ALMS1: variants seen among roughly 807,000 people sequenced by gnomAD.
ALMS1 encodes centrosome-associated protein ALMS1.
In ALMS1, 271 loss-of-function variants were observed where a neutral mutation model predicts 352.2. The observed-to-expected ratio is 0.77, with a 90% CI of 0.70 to 0.85. The LOEUF (loss-of-function observed/expected upper bound fraction) is 0.85. Among genes scored for constraint, ALMS1 ranks in the 40% least tolerant of loss-of-function variants. The pLI is 0.00. For synonymous variants in ALMS1, 1,865 were observed against 1,761.2 expected (o/e 1.06, Z -1.48); for missense variants, 5,445 against 4,870.7 (o/e 1.12, Z -3.51).
intron 9 of ALMS1, among the ~76,000 whole-genome samples, chr2:73,481,839 A>G (rs958616501): frequency 1.6e-4 from 24 of 151,088 alleles, no homozygotes; most frequent in Admixed American, 8.6e-4. Flanking sequence ...CTTTGAAGCA[A>G]TTGTGAATGG....
At chr2:73,473,354 T>C (rs1672507043) in intron 9 of ALMS1, among the ~76,000 whole-genome samples, 1 of 152,140 alleles carries the variant, frequency 6.6e-6, no homozygotes, top group African/African-American at 2.4e-5. Flanking sequence ...AGCACAGACT[T>C]CAGTTCCATG....
At chr2:73,562,923 GA>G (rs1674695902) in intron 15 of ALMS1, among the ~76,000 whole-genome samples, 1 of 151,546 alleles carries the variant, frequency 6.6e-6, no homozygotes, top group African/African-American at 2.4e-5. Context: ...ACCCCTAAAA[GA>G]GTTAAAATTA....
rs1355726063 is a variant in ALMS1 at position 73,520,034 on chromosome 2, C to T, written c.9781+18C>T. ...CACAGATGGTAAGAGAATGTGATTG[C>T]ATTTTAGATTGTTAGACCAGCTCTT... On this transcript the variant is annotated intron_variant, in intron 11 of 22. Transcript: ENST00000613296. 1 of 1,613,854 alleles carries T rather than the reference C, an allele frequency of 6.2e-7. No individual in the cohort carries two copies. Among genetic ancestry groups the T allele is most frequent in the East Asian group, 2.2e-5 (1 of 44,888 alleles).
At position 73,557,318 on chromosome 2, in the gene ALMS1, G is replaced by A. The variant is rs145678202; in HGVS notation, c.10177G>A (p.Ala3393Thr). 1.9e-6 allele frequency: 3 copies of A among 1,614,114 alleles called. No individual in the cohort carries two copies. The highest frequency in any genetic ancestry group is 2.2e-5 in the East Asian group (1 of 44,862). The change falls in exon 14 of 23, where the codon GCT becomes ACT. Residue 3393 changes from alanine (A) to threonine (T), a missense_variant. By Grantham distance (58) the Ala-to-Thr change is moderately conservative. Coordinates refer to ENST00000613296, the MANE Select transcript of ALMS1 (RefSeq NM_001378454.1). ...AAGGGCAGTGACTGAGGCTGCCCAG[G>A]CTAAAGAAAAAGAATCTTTGCAGAA... is the stretch of plus-strand genomic sequence containing the variant. The part of the protein sequence containing the change: ...STRAVTEAAQ[A>T]KEKESLQKDT...
chr2:73,471,647 A>G (rs1055219046), intron 9 of ALMS1, among the ~76,000 whole-genome samples: 2 of 151,990 alleles, frequency 1.3e-5, no homozygotes, highest in African/African-American at 2.4e-5. Flanking sequence ...GAAAATGCAA[A>G]TCAAAACCAC....
chr2:73,541,657 T>C (rs936534820), intron 12 of ALMS1, among the ~76,000 whole-genome samples: 22 of 152,056 alleles, frequency 1.4e-4, no homozygotes, highest in African/African-American at 5.1e-4. Context: ...AAGAATCAAA[T>C]AGACGCAATA....
Position 73,408,656 on chromosome 2 carries a change from T to C in ALMS1, c.359T>C (p.Ile120Thr). ...VPLTCHVWQQ[I>T]VYQGNSRTQI... ...TTGACCTGTCATGTATGGCAACAGA[T>C]AGTATATCAAGGCAATAGTAGAACA... Residue 120 changes from isoleucine (I) to threonine (T), a missense_variant, in exon 2 of 23, where the codon ATA (isoleucine) becomes ACA (threonine). Ile to Thr is a moderately conservative substitution (Grantham distance 89, BLOSUM62 -1). Coordinates refer to ENST00000613296, the MANE Select transcript of ALMS1 (RefSeq NM_001378454.1). The C allele has an allele frequency of 6.2e-7, 1 of 1,613,574 alleles. No homozygotes were observed. Among genetic ancestry groups the C allele is most frequent in the Non-Finnish European group, 8.5e-7 (1 of 1,179,704 alleles).
chr2:73,391,211 A>T (rs1051645416), intron 1 of ALMS1, among the ~76,000 whole-genome samples: 19 of 149,790 alleles, frequency 1.3e-4, no homozygotes, highest in Non-Finnish European at 2.2e-4. Context: ...CACAGGCTGA[A>T]CCTCTCCCGT....
At chr2:73,404,438 G>A (rs1670932410) in intron 1 of ALMS1, among the ~76,000 whole-genome samples, 1 of 151,412 alleles carries the variant, frequency 6.6e-6, no homozygotes, top group Admixed American at 6.6e-5. Flanking sequence ...ATTATGTTGA[G>A]GTAGTTTTCT....
rs1443506357 is a variant in ALMS1 at position 73,408,763 on chromosome 2, C to T, written c.450+16C>T. 7.5e-6 allele frequency: 12 copies of T among 1,596,690 alleles called. No individual in the cohort carries two copies. Among genetic ancestry groups the T allele is most frequent in the Non-Finnish European group, 1.0e-5 (12 of 1,170,948 alleles). On this transcript the variant is annotated intron_variant, in intron 2 of 22. Coordinates refer to ENST00000613296, the MANE Select transcript of ALMS1 (RefSeq NM_001378454.1). Reference sequence around the variant, plus strand: ...GGATGATCAGGTATGTCTTCTGTAACTGGCTAACTTTTTTTTTTTGATAAG... The same window carrying T: ...GGATGATCAGGTATGTCTTCTGTAATTGGCTAACTTTTTTTTTTTGATAAG...
intron 9 of ALMS1, among the ~76,000 whole-genome samples, chr2:73,459,839 T>G (rs1222026851): frequency 2.6e-5 from 4 of 152,204 alleles, no homozygotes; most frequent in Admixed American, 6.5e-5. Flanking sequence ...ATGTAGAAAC[T>G]AAGATCTGTA....
intron 16 of ALMS1, among the ~76,000 whole-genome samples, chr2:73,587,832 G>T (rs1675342960): frequency 6.6e-6 from 1 of 152,112 alleles, no homozygotes; most frequent in Non-Finnish European, 1.5e-5. Context: ...AACAAAATGG[G>T]AGATATTACA....
At chr2:73,494,679 T>A (rs1231274515) in intron 10 of ALMS1, among the ~76,000 whole-genome samples, 1 of 152,190 alleles carries the variant, frequency 6.6e-6, no homozygotes, top group African/African-American at 2.4e-5. Flanking sequence ...CAAGGTTAGA[T>A]TAGGGTTATG....
In ALMS1 at chr2:73,394,990, GTA is replaced by G. The variant is rs569486570; in HGVS notation, c.324+8808_324+8809del. On this transcript the variant is annotated intron_variant, in intron 1 of 22. Transcript: ENST00000613296. ...AATATGGTATTTTACATATATATGT[GTA>G]TATATATATGTGTATATATATGTGT... 6.7e-3 allele frequency among the ~76,000 whole-genome samples: 839 copies of G among 126,090 alleles called. 7 individuals are homozygous for G. The highest frequency in any genetic ancestry group is 0.013 in the East Asian group (64 of 4,786). 82.7% of individuals were successfully genotyped at this position (126,090 alleles called of 152,430 possible).
chr2:73,388,161 A>G (rs1670576519), intron 1 of ALMS1, among the ~76,000 whole-genome samples: 5 of 152,216 alleles, frequency 3.3e-5, no homozygotes, highest in Admixed American at 1.3e-4. Flanking sequence ...AATTAAAGCC[A>G]CACTTGTTGA....
chr2:73,461,978 A>G (rs1242581744), intron 9 of ALMS1, among the ~76,000 whole-genome samples: 1 of 152,078 alleles, frequency 6.6e-6, no homozygotes, highest in Non-Finnish European at 1.5e-5. Context: ...TCTACGTCTG[A>G]TTGGTGTACC....
rs774990100 is a variant in ALMS1, at chr2:73,452,139, T to G, written c.5612T>G (p.Val1871Gly). Residue 1871 changes from valine to glycine, a missense_variant, in exon 8 of 23, where the codon GTA becomes GGA. Val to Gly is a moderately radical substitution (Grantham distance 109, BLOSUM62 -3). Coordinates refer to ENST00000613296, the MANE Select transcript of ALMS1 (RefSeq NM_001378454.1). ...YEQELPDLTE[V>G]TLKAIGVPGP... is the part of the protein sequence containing the mutation. Reference sequence around the variant, plus strand: ...CAGGAGTTGCCAGATCTTACTGAAGTAACTTTGAAAGCAATAGGGGTTCCT... The same window carrying G: ...CAGGAGTTGCCAGATCTTACTGAAGGAACTTTGAAAGCAATAGGGGTTCCT... 1 of 1,607,850 alleles carries G rather than the reference T, an allele frequency of 6.2e-7. No individual in the cohort carries two copies. The highest frequency in any genetic ancestry group is 1.7e-5 in the Admixed American group (1 of 59,308).
At chr2:73,547,036 A>G (rs538913612) in intron 12 of ALMS1, among the ~76,000 whole-genome samples, 2 of 152,332 alleles carry the variant, frequency 1.3e-5, no homozygotes, top group South Asian at 2.1e-4. Context: ...GAAATGATAC[A>G]CATTTAGTAG....
At chr2:73,563,262 C>G (rs1026785664) in intron 15 of ALMS1, among the ~76,000 whole-genome samples, 1 of 152,078 alleles carries the variant, frequency 6.6e-6, no homozygotes, top group African/African-American at 2.4e-5. Flanking sequence ...AGGTTAAATT[C>G]ACCAAAAGTT....
Sources: allele counts gnomAD v4.1 joint callset (sites outside exome capture counted in the v4.1 genomes callset), GRCh38; gene constraint gnomAD v4.1.1; transcripts MANE v1.5; gene names NCBI Gene and HGNC (gene_info 2026-07-23, HGNC 2026-07-21).